The following SPIDR variants were observed in gnomAD, a reference collection of about 807,000 sequenced individuals.
SPIDR encodes scaffold protein involved in DNA repair, also known as DNA repair-scaffolding protein.
In SPIDR, 93 loss-of-function variants were observed where a neutral mutation model predicts 104.6. The observed-to-expected ratio is 0.89, with a 90% CI of 0.75 to 1.06. The LOEUF (loss-of-function observed/expected upper bound fraction) is 1.06. SPIDR is among the 50% of genes least tolerant of loss of function. SPIDR has a pLI of 0.00. For missense variants in SPIDR, 1,154 were observed against 1,111.2 expected (o/e 1.04, Z -0.55); for synonymous variants, 431 against 416.9 (o/e 1.03, Z -0.41).
At chr8:47,547,536 C>G in intron 8 of SPIDR, 1 of 179,474 alleles carries the variant, frequency 5.6e-6, no homozygotes, top group South Asian at 1.1e-4. Context: ...AAGCAATTCT[C>G]CTGGCTCAGC....
chr8:47,545,145 G>T (rs1439588495), intron 8 of SPIDR, among the ~76,000 whole-genome samples: 1 of 128,970 alleles, frequency 7.8e-6, no homozygotes, highest in Non-Finnish European at 1.6e-5. Context: ...TGTTGAAACG[G>T]AGTCTCACTG....
intron 10 of SPIDR, among the ~76,000 whole-genome samples, chr8:47,634,375 C>T (rs999131006): frequency 3.3e-5 from 5 of 151,842 alleles, no homozygotes; most frequent in East Asian, 1.9e-4. Flanking sequence ...TGCTTGAACC[C>T]GGGAGGCAGA....
At chr8:47,442,006 C>CT (rs1183950888) in intron 8 of SPIDR, among the ~76,000 whole-genome samples, 6 of 152,116 alleles carry the variant, frequency 3.9e-5, no homozygotes, top group Non-Finnish European at 5.9e-5. Context: ...TTTGCACATG[C>CT]TAGTATTATA....
intron 5 of SPIDR, among the ~76,000 whole-genome samples, chr8:47,335,620 T>C (rs1055710110): frequency 6.6e-6 from 1 of 152,170 alleles, no homozygotes; most frequent in Non-Finnish European, 1.5e-5. Context: ...CTGGCTAATT[T>C]TTATATTTTT....
chr8:47,380,590 C>A (rs1266878907), intron 5 of SPIDR, among the ~76,000 whole-genome samples: 1 of 151,958 alleles, frequency 6.6e-6, no homozygotes, highest in African/African-American at 2.4e-5. Flanking sequence ...CCTTGGGCTC[C>A]TCAGAGCAGG....
intron 5 of SPIDR, among the ~76,000 whole-genome samples, chr8:47,337,924 A>C (rs1359296489): frequency 6.6e-6 from 1 of 152,196 alleles, no homozygotes; most frequent in Non-Finnish European, 1.5e-5. Flanking sequence ...TTTTCTATTC[A>C]GTTCCATTGG....
At chr8:47,330,850 A>C (rs1276285611) in intron 5 of SPIDR, 2 of 455,060 alleles carry the variant, frequency 4.4e-6, no homozygotes, top group African/African-American at 2.0e-5. Context: ...TAAACTTTCA[A>C]CTCCTTTGAG....
chr8:47,547,292 G>T, intron 8 of SPIDR: 1 of 580,384 alleles, frequency 1.7e-6, no homozygotes. Context: ...TCATAGATGA[G>T]ACGAAAATTC....
chr8:47,652,827 T>C (rs751401375), intron 10 of SPIDR, among the ~76,000 whole-genome samples: 2 of 152,180 alleles, frequency 1.3e-5, no homozygotes, highest in Non-Finnish European at 1.5e-5. Flanking sequence ...TATAAGCCAT[T>C]GCATTAGACA....
intron 10 of SPIDR, among the ~76,000 whole-genome samples, chr8:47,626,357 G>A (rs2154438571): frequency 6.6e-6 from 1 of 152,296 alleles, no homozygotes; most frequent in African/African-American, 2.4e-5. Context: ...AACACCCAAA[G>A]CAATGGCAAC....
chr8:47,647,803 TGAATG>T (rs906987608), intron 10 of SPIDR, among the ~76,000 whole-genome samples: 3 of 152,064 alleles, frequency 2.0e-5, no homozygotes, highest in Admixed American at 6.5e-5. Flanking sequence ...AGTTAATACT[TGAATG>T]GAGATGGGTG....
intron 5 of SPIDR, among the ~76,000 whole-genome samples, chr8:47,391,869 G>A (rs996128139): frequency 1.3e-4 from 19 of 151,480 alleles, no homozygotes; most frequent in South Asian, 2.1e-4. Context: ...AGTGGCGGGC[G>A]CCTGTAGTCC....
Position 47,545,119 on chromosome 8 carries a change from CTTT to C in SPIDR, c.1098-50678_1098-50676del, listed in dbSNP as rs1201682766. Among the ~76,000 whole-genome samples, 17 of 23,938 alleles carry C rather than the reference CTTT, an allele frequency of 7.1e-4. No individual in the cohort carries two copies. In the East Asian group the frequency reaches 0.01, roughly 14 times the overall value. 15.7% of individuals were successfully genotyped at this position (23,938 alleles called of 152,430 possible). A position where few individuals can be genotyped will look rare whatever the true frequency, so the allele number is the denominator to read the frequency against. ...TCTTTCTTTCTTTCTTTCTTTCTTTCTTTTTTTTTTTTTTTTGTTGAAACGGAG... is the reference window on the plus strand; with the variant it reads ...TCTTTCTTTCTTTCTTTCTTTCTTTCTTTTTTTTTTTTTGTTGAAACGGAG... On this transcript the variant is annotated intron_variant, in intron 8 of 19. Coordinates refer to ENST00000297423, the MANE Select transcript of SPIDR (RefSeq NM_001080394.4).
At chr8:47,520,751 A>T (rs2083936730) in intron 8 of SPIDR, among the ~76,000 whole-genome samples, 2 of 152,154 alleles carry the variant, frequency 1.3e-5, no homozygotes, top group Admixed American at 1.3e-4. Context: ...AATTCCCACC[A>T]CCAGTGGATC....
chr8:47,508,661 C>G (rs1197314525), intron 8 of SPIDR, among the ~76,000 whole-genome samples: 1 of 152,174 alleles, frequency 6.6e-6, no homozygotes, highest in Non-Finnish European at 1.5e-5. Flanking sequence ...GGTCAAGACA[C>G]AACTGTGGAA....
chr8:47,279,801 A>G (rs1462085800), intron 1 of SPIDR, 61 bp from the exon 2 acceptor site: 9 of 1,513,998 alleles, frequency 5.9e-6, no homozygotes, highest in East Asian at 2.3e-5. Context: ...CTGAATGTCT[A>G]TTTAATGAAG....
At chr8:47,577,402 T>A (rs572246675) in intron 8 of SPIDR, among the ~76,000 whole-genome samples, 17 of 152,334 alleles carry the variant, frequency 1.1e-4, no homozygotes, top group Admixed American at 1.1e-3. Flanking sequence ...TGAGTAGCTG[T>A]TTCATCAGCC....
rs1188771803 is a variant in SPIDR, at chr8:47,548,694, T to C, written c.1098-47117T>C. On this transcript the variant is annotated intron_variant, in intron 8 of 19. Coordinates refer to ENST00000297423, the MANE Select transcript of SPIDR (RefSeq NM_001080394.4). ...AAAGTAAGAATGATGAAAGGACTAA[T>C]GAAAAATCATTTTAGGAGACAACTG... Among the ~76,000 whole-genome samples, 3 of 152,190 alleles carry C rather than the reference T, an allele frequency of 2.0e-5. No homozygotes were observed. In the South Asian group the frequency reaches 6.2e-4, roughly 32 times the overall value.
At chr8:47,350,416 C>G (rs1212308664) in intron 5 of SPIDR, among the ~76,000 whole-genome samples, 5 of 152,188 alleles carry the variant, frequency 3.3e-5, no homozygotes, top group Non-Finnish European at 5.9e-5. Flanking sequence ...TGGGTTCAAG[C>G]GATTCTTCTG....
Sources: allele counts gnomAD v4.1 joint callset (sites outside exome capture counted in the v4.1 genomes callset), GRCh38; gene constraint gnomAD v4.1.1; transcripts MANE v1.5; gene names NCBI Gene and HGNC (gene_info 2026-07-23, HGNC 2026-07-21).